Variants in ZDHHC13 observed in about 807,000 individuals in gnomAD.
ZDHHC13 encodes the protein zDHHC palmitoyltransferase 13.
In ZDHHC13, 85 loss-of-function variants were observed where a neutral mutation model predicts 86.0. The observed-to-expected ratio is 0.99, with a 90% confidence interval of 0.83 to 1.18. The LOEUF (loss-of-function observed/expected upper bound fraction) is 1.18, where lower values mean the gene tolerates loss of function less well. ZDHHC13 is among the 50% of genes most tolerant of loss of function. The probability of loss-of-function intolerance (pLI) is 0.00; values close to 1 mark genes in which losing one functional copy is unlikely to be tolerated. For missense variants in ZDHHC13, 711 were observed against 730.2 expected, an observed-to-expected ratio of 0.97 and a Z score of 0.30; for synonymous variants, 263 against 246.4, an observed-to-expected ratio of 1.07 and a Z score of -0.63.
intron 8 of ZDHHC13, among the ~76,000 whole-genome samples, chr11:19,153,262 C>A (rs1359274633): frequency 6.6e-6 from 1 of 151,978 alleles, no homozygotes; most frequent in East Asian, 1.9e-4. Context: ...TTAAAATGAA[C>A]TGAATAATGG....
intron 12 of ZDHHC13, 100 bp downstream of exon 12, chr11:19,164,463 C>CT: frequency 8.7e-7 from 1 of 1,154,962 alleles, no homozygotes; most frequent in Non-Finnish European, 1.2e-6. Flanking sequence ...ATTTATACAC[C>CT]TTTGTTTTTA....
chr11:19,170,377 T>C (rs1330380075), intron 14 of ZDHHC13, 34 bp from the exon 15 acceptor site: 1 of 301,182 alleles, frequency 3.3e-6, no homozygotes, highest in Non-Finnish European at 5.7e-6. Flanking sequence ...TTTATTGCCT[T>C]TTTTTTTTTT....
intron 1 of ZDHHC13, among the ~76,000 whole-genome samples, chr11:19,119,197 G>A (rs1848708599): frequency 6.6e-6 from 1 of 151,830 alleles, no homozygotes; most frequent in Non-Finnish European, 1.5e-5. Flanking sequence ...TGCAATCTCC[G>A]CCTCCCGGGT....
chr11:19,126,974 C>T (rs533169961), intron 1 of ZDHHC13, among the ~76,000 whole-genome samples: 9 of 152,034 alleles, frequency 5.9e-5, no homozygotes, highest in African/African-American at 2.2e-4. Context: ...GGGTATATAC[C>T]CAGTAATGGG....
In ZDHHC13 at chr11:19,155,825, T is replaced by C; in HGVS notation, c.903T>C (p.Ile301=). 6.2e-7 allele frequency: 1 copy of C among 1,612,572 alleles called. No individual in the cohort carries two copies. Among genetic ancestry groups the C allele is most frequent in the East Asian group, 2.2e-5 (1 of 44,816 alleles). The part of the protein sequence containing the change: ...ELFLLLMLSV[I]TMWAIGYILD... ...TCCTGCTGCTGATGCTTTCTGTGAT[T>C]ACCATGTGGGCTATTGGATACATAT... Residue 301 remains isoleucine, a synonymous_variant, in exon 9 of 17, where the codon ATT becomes ATC. Coordinates refer to ENST00000446113, the MANE Select transcript of ZDHHC13 (RefSeq NM_019028.3).
chr11:19,159,137 A>T lies in ZDHHC13; in HGVS notation c.1108+97A>T, dbSNP rs2133448658. ...TTAGGTATTGGAAAAGGCCCAGGGA[A>T]TGCAACTTATATTTGCATTCATTTA... is the stretch of plus-strand genomic sequence containing the variant. On this transcript the variant is annotated intron_variant, in intron 10 of 16. Coordinates refer to ENST00000446113, the MANE Select transcript of ZDHHC13 (RefSeq NM_019028.3). The T allele has an allele frequency of 6.6e-6, 5 of 753,002 alleles. No individual in the cohort carries two copies. In the South Asian group the frequency reaches 8.2e-5, roughly 12 times the overall value. The allele number at this position is 753,002 out of a possible 1,614,324, so 46.6% of individuals were successfully genotyped here.
chr11:19,149,856 G>A (rs1590078008), intron 5 of ZDHHC13, among the ~76,000 whole-genome samples: 1 of 152,180 alleles, frequency 6.6e-6, no homozygotes, highest in African/African-American at 2.4e-5. Context: ...ATGTTTTCTG[G>A]TAGCAAAGTA....
At chr11:19,146,807 G>A (rs1849479690) in intron 3 of ZDHHC13, among the ~76,000 whole-genome samples, 1 of 152,088 alleles carries the variant, frequency 6.6e-6, no homozygotes, top group Non-Finnish European at 1.5e-5. Context: ...AGCTTAACAT[G>A]TAAAATGTAC....
rs1201713974 is a variant in ZDHHC13, at chr11:19,165,138, G to C, written c.1383G>C (p.Arg461=). The change falls in exon 13 of 17, where the codon CGG becomes CGC. Residue 461 remains arginine, a synonymous_variant. Transcript: ENST00000446113. ...RYDQHCLWTG[R]CIGFGNHHYY... ...ATCAACACTGCCTGTGGACTGGACG[G>C]TGCATAGGTGAGAGATTTAATTTTT... The C allele has an allele frequency of 6.2e-7, 1 of 1,611,364 alleles. No homozygotes were observed. Among genetic ancestry groups the C allele is most frequent in the South Asian group, 1.1e-5 (1 of 90,376 alleles).
At chr11:19,149,138 T>C in intron 4 of ZDHHC13, 49 bp from the exon 5 acceptor site, 1 of 1,415,952 alleles carries the variant, frequency 7.1e-7, no homozygotes. Flanking sequence ...TCCCTGACTT[T>C]TTGCTTTTTC....
chr11:19,117,149 G>T, upstream of ZDHHC13: 1 of 1,323,118 alleles, frequency 7.6e-7, no homozygotes, highest in Non-Finnish European at 1.0e-6. This position sits in a 1 kb window ranked among gnomAD's most constrained non-coding sequence, Gnocchi z 4.2. Context: ...AGGTGAGGGC[G>T]CCAGCAGGAA....
Position 19,147,536 on chromosome 11 carries a change from C to A in ZDHHC13, c.297-60C>A, listed in dbSNP as rs1849496997. ...ATTACTATGAAAAAATTAGTATTTTCTTTCTCAATATGAAGCTTAAGTTTC... is the reference window on the plus strand; with the variant it reads ...ATTACTATGAAAAAATTAGTATTTTATTTCTCAATATGAAGCTTAAGTTTC... On this transcript the variant is annotated intron_variant, in intron 3 of 16. Transcript: ENST00000446113. 6.4e-6 allele frequency: 9 copies of A among 1,416,652 alleles called. No homozygotes were observed. The East Asian group carries it at 2.0e-4, about 31-fold the overall frequency. 87.8% of individuals were successfully genotyped at this position (1,416,652 alleles called of 1,614,324 possible). A position where few individuals can be genotyped will look rare whatever the true frequency, so the allele number is the denominator to read the frequency against.
At chr11:19,135,958 CCA>C (rs1849127287) in intron 1 of ZDHHC13, among the ~76,000 whole-genome samples, 1 of 151,564 alleles carries the variant, frequency 6.6e-6, no homozygotes. Context: ...GTAGATAAAA[CCA>C]CAAAGATGGG....
chr11:19,156,985 C>T (rs533713791), intron 9 of ZDHHC13, among the ~76,000 whole-genome samples: 1 of 152,262 alleles, frequency 6.6e-6, no homozygotes, highest in Admixed American at 6.5e-5. Context: ...CCTCTCTTTC[C>T]CTTCTCCTCA....
chr11:19,137,405 A>G (rs538306973), intron 1 of ZDHHC13, among the ~76,000 whole-genome samples: 33 of 152,274 alleles, frequency 2.2e-4, no homozygotes, highest in Non-Finnish European at 4.3e-4. Context: ...AGGAGCACCC[A>G]GATTCATAAA....
intron 16 of ZDHHC13, among the ~76,000 whole-genome samples, chr11:19,173,841 G>A (rs188530803): frequency 1.8e-3 from 271 of 152,286 alleles, no homozygotes; most frequent in Non-Finnish European, 3.1e-3. Flanking sequence ...AGGGCACAAT[G>A]GAGTTGGGAG....
intron 8 of ZDHHC13, among the ~76,000 whole-genome samples, chr11:19,154,747 T>G (rs1849710888): frequency 6.6e-6 from 1 of 152,220 alleles, no homozygotes; most frequent in Non-Finnish European, 1.5e-5. Flanking sequence ...TTCCCTGGAT[T>G]CCCTGAAACC....
chr11:19,176,171 CT>C lies in ZDHHC13; in HGVS notation c.*212del. ...TTTTCTGATAAATCTTGGCAGACAT[CT>C]AAAAAAAAAACCATATTTTTCACAA... On this transcript the variant is annotated 3_prime_UTR_variant, in exon 17 of 17. Transcript: ENST00000446113. 1 of 390,052 alleles carries C rather than the reference CT, an allele frequency of 2.6e-6. No individual in the cohort carries two copies. Among genetic ancestry groups the C allele is most frequent in the Non-Finnish European group, 4.4e-6 (1 of 229,216 alleles). 24.2% of individuals were successfully genotyped at this position (390,052 alleles called of 1,614,324 possible).
At chr11:19,172,537 G>A (rs553404046) in intron 15 of ZDHHC13, among the ~76,000 whole-genome samples, 186 bp from the exon 16 acceptor site, 2 of 152,266 alleles carry the variant, frequency 1.3e-5, no homozygotes, top group South Asian at 4.1e-4. Context: ...TTAATTCTCA[G>A]TCTTCCCCAT....
Sources: gnomAD v4.1 joint callset for allele counts (sites outside exome capture counted in the v4.1 genomes callset) on GRCh38, gnomAD v4.1.1 for gene constraint, Gnocchi (gnomAD v3.1) non-coding constraint, MANE v1.5 for transcripts, NCBI Gene and HGNC (gene_info 2026-07-23, HGNC 2026-07-21) for gene names.